AGPAT3: variants seen among roughly 807,000 people sequenced by gnomAD.
AGPAT3 encodes 1-acyl-sn-glycerol-3-phosphate acyltransferase gamma.
In AGPAT3, 5 loss-of-function variants were observed where a neutral mutation model predicts 47.3. The ratio of observed to expected loss-of-function variants is 0.11; its 90% CI spans 0.06 to 0.22. The LOEUF (loss-of-function observed/expected upper bound fraction) is 0.22, where lower values mean the gene tolerates loss of function less well. AGPAT3 is among the 10% of genes least tolerant of loss of function. AGPAT3 has a pLI of 1.00. For missense variants in AGPAT3, 315 were observed against 493.0 expected (o/e 0.64, Z 3.42); for synonymous variants, 212 against 208.3 (o/e 1.02, Z -0.15).
intron 1 of AGPAT3, among the ~76,000 whole-genome samples, chr21:43,885,498 C>T (rs1023443162): frequency 2.0e-5 from 3 of 151,680 alleles, no homozygotes; most frequent in African/African-American, 7.3e-5. Context: ...AAGCAATTCT[C>T]CTGTCTCAGC....
At position 43,985,133 on chromosome 21, in the gene AGPAT3, CCG is replaced by C. The variant is rs1231261417; in HGVS notation, c.*2743_*2744del. On this transcript the variant is annotated 3_prime_UTR_variant, in exon 10 of 10. Transcript: ENST00000291572. The stretch of plus-strand genomic sequence containing the variant: ...CCTGGGCCGTGGTCTCCTGGGGACG[CCG>C]CTGGCCTCCCAGCTTAGGCCCAGGT... 2.0e-5 allele frequency: 9 copies of C among 456,320 alleles called. No individual in the cohort carries two copies. Among genetic ancestry groups the C allele is most frequent in the Non-Finnish European group, 4.0e-5 (9 of 226,968 alleles). The allele number at this position is 456,320 out of a possible 1,614,324, so 28.3% of individuals were successfully genotyped here.
rs2088389539 is a variant in AGPAT3, at chr21:43,955,206, T to A, written c.-48-4428T>A. 1 of 1,246,662 alleles carries A rather than the reference T, an allele frequency of 8.0e-7. No individual in the cohort carries two copies. The allele number at this position is 1,246,662 out of a possible 1,614,324, so 77.2% of individuals were successfully genotyped here. A position where few individuals can be genotyped will look rare whatever the true frequency, so the allele number is the denominator to read the frequency against. On this transcript the variant is annotated intron_variant, in intron 2 of 9. Transcript: ENST00000291572. The surrounding 1 kb of genome is among the most constrained non-coding windows in gnomAD (Gnocchi z 4.1). ...ACCGCGCTGGACCGGCTGGGCCAGA[T>A]GCCATGGGATTCTGTGTTTGTGAAC...
intron 2 of AGPAT3, among the ~76,000 whole-genome samples, chr21:43,947,759 T>C (rs1465939059): frequency 6.6e-6 from 1 of 151,508 alleles, no homozygotes; most frequent in Non-Finnish European, 1.5e-5. Flanking sequence ...TTCTCCTGCC[T>C]CAGCCTCCTG....
At position 43,947,505 on chromosome 21, in the gene AGPAT3, G is replaced by A. The variant is rs1267448059; in HGVS notation, c.-48-12129G>A. 3.3e-5 allele frequency among the ~76,000 whole-genome samples: 5 copies of A among 152,168 alleles called. No homozygotes were observed. The East Asian group carries it at 9.6e-4, about 29-fold the overall frequency. Reference sequence around the variant, plus strand: ...GAAACGTCGCAGTCTCCTCTTCACTGAGTCCAAAGTCACTTCCATCTCGGG... The same window carrying A: ...GAAACGTCGCAGTCTCCTCTTCACTAAGTCCAAAGTCACTTCCATCTCGGG... On this transcript the variant is annotated intron_variant, in intron 2 of 9. Transcript: ENST00000291572.
intron 2 of AGPAT3, among the ~76,000 whole-genome samples, chr21:43,918,511 A>G (rs2086810713): frequency 6.6e-6 from 1 of 152,108 alleles, no homozygotes; most frequent in Non-Finnish European, 1.5e-5. Context: ...TAATTTAGAA[A>G]CAGAAAAATG....
rs543642714 is a variant in AGPAT3 at position 43,932,387 on chromosome 21, C to T, written c.-48-27247C>T. 5.3e-5 allele frequency among the ~76,000 whole-genome samples: 8 copies of T among 152,296 alleles called. No individual in the cohort carries two copies. In the South Asian group the frequency reaches 1.5e-3, roughly 28 times the overall value. On this transcript the variant is annotated intron_variant, in intron 2 of 9. Transcript: ENST00000291572. The surrounding 1 kb of genome is among the most constrained non-coding windows in gnomAD (Gnocchi z 5.2). ...TGTCGTTCTGTGACTGGCTGATTATCCACTTAGTGTCGGGTCTACCACGTT... is the reference window on the plus strand; with the variant it reads ...TGTCGTTCTGTGACTGGCTGATTATTCACTTAGTGTCGGGTCTACCACGTT...
At chr21:43,974,433 CTGTG>C (rs767734088) in intron 7 of AGPAT3, among the ~76,000 whole-genome samples, 2 of 146,324 alleles carry the variant, frequency 1.4e-5, no homozygotes, top group Non-Finnish European at 3.0e-5. Flanking sequence ...GTGTGTTGAA[CTGTG>C]TGTGGTATGT....
intron 1 of AGPAT3, among the ~76,000 whole-genome samples, chr21:43,865,991 C>T (rs2085497673): frequency 6.6e-6 from 1 of 152,106 alleles, no homozygotes; most frequent in African/African-American, 2.4e-5. Flanking sequence ...GGGATGGGGT[C>T]AGTCCGGGGG....
chr21:43,927,001 AGAG>A (rs2087079623), intron 2 of AGPAT3, among the ~76,000 whole-genome samples: 1 of 149,174 alleles, frequency 6.7e-6, no homozygotes, highest in South Asian at 2.1e-4. Flanking sequence ...AAAAAAAAAA[AGAG>A]ACAGGGTTTT....
chr21:43,944,978 G>C (rs535854463), intron 2 of AGPAT3, among the ~76,000 whole-genome samples: 1 of 152,226 alleles, frequency 6.6e-6, no homozygotes, highest in Admixed American at 6.5e-5. Flanking sequence ...AGGGTCCCTC[G>C]GGGTCTACCA....
intron 3 of AGPAT3, among the ~76,000 whole-genome samples, chr21:43,964,293 G>A (rs565178578): frequency 1.3e-5 from 2 of 152,278 alleles, no homozygotes; most frequent in South Asian, 4.1e-4. Context: ...GCAGAGGCAG[G>A]AGAATCGCTT....
chr21:43,894,213 CTTTCTTTT>C (rs1485608113), intron 1 of AGPAT3, among the ~76,000 whole-genome samples: 1 of 133,614 alleles, frequency 7.5e-6, no homozygotes, highest in African/African-American at 2.6e-5. Flanking sequence ...TTCTTTCTTT[CTTTCTTTT>C]TTTTTTTTTT....
rs750173896 is a variant in AGPAT3, at chr21:43,980,947, A to AAAG, written c.844-38_844-36dup. On this transcript the variant is annotated intron_variant, in intron 8 of 9. Transcript: ENST00000291572. ...CTCCTGCATTGAAATAATAGCTTGT[A>AAAG]AAGAAGCCTCACGCTTCCTTTTTCT... The AAAG allele has an allele frequency of 2.6e-6, 4 of 1,552,820 alleles. No homozygotes were observed. The South Asian group carries it at 4.5e-5, about 17-fold the overall frequency.
chr21:43,919,335 T>A (rs1484744526), intron 2 of AGPAT3, among the ~76,000 whole-genome samples: 3 of 152,162 alleles, frequency 2.0e-5, no homozygotes, highest in African/African-American at 7.2e-5. Flanking sequence ...CCCTGTCCAT[T>A]ATATCACTCT....
intron 1 of AGPAT3, among the ~76,000 whole-genome samples, chr21:43,879,676 A>G (rs530537439): frequency 5.3e-4 from 81 of 152,270 alleles, no homozygotes; most frequent in African/African-American, 1.9e-3. Context: ...TCAATGGCAC[A>G]GTGGCACGTG....
In AGPAT3 at chr21:43,967,942, G is replaced by T; in HGVS notation, c.179-4G>T. 6.2e-7 allele frequency: 1 copy of T among 1,613,448 alleles called. No homozygotes were observed. Among genetic ancestry groups the T allele is most frequent in the South Asian group, 1.1e-5 (1 of 91,038 alleles). On this transcript the variant is annotated splice_polypyrimidine_tract_variant and splice_region_variant and intron_variant, in intron 3 of 9. Transcript: ENST00000291572. ...CAGTGCCAACGCCCTCCCCCTGTCC[G>T]CAGAACTGGTCATGCTGCTGGAGTG...
At chr21:43,951,724 G>A (rs915335592) in intron 2 of AGPAT3, among the ~76,000 whole-genome samples, 27 of 152,206 alleles carry the variant, frequency 1.8e-4, no homozygotes, top group African/African-American at 6.5e-4. Context: ...CTCATGGATA[G>A]ACAAACTGGT....
chr21:43,925,663 T>G (rs2087030563), intron 2 of AGPAT3, among the ~76,000 whole-genome samples: 1 of 152,184 alleles, frequency 6.6e-6, no homozygotes, highest in African/African-American at 2.4e-5. Flanking sequence ...CTCTGTCCCC[T>G]CAGGGGGCAT....
chr21:43,956,987 A>T (rs1240344218), intron 2 of AGPAT3, among the ~76,000 whole-genome samples: 1 of 152,128 alleles, frequency 6.6e-6, no homozygotes, highest in Non-Finnish European at 1.5e-5. Flanking sequence ...TTTCGAGGGG[A>T]GGAGCGAAAG....
Sources: allele counts gnomAD v4.1 joint callset (sites outside exome capture counted in the v4.1 genomes callset), GRCh38; gene constraint gnomAD v4.1.1; non-coding constraint Gnocchi (gnomAD v3.1); transcripts MANE v1.5; gene names NCBI Gene and HGNC (gene_info 2026-07-23, HGNC 2026-07-21).